The following NCOA1 variants were observed in gnomAD, a reference collection of about 807,000 sequenced individuals.
The protein encoded by NCOA1 is Hin-2 protein.
NCOA1 carries 35 observed loss-of-function variants against 150.9 expected under a neutral mutation model. The ratio of observed to expected loss-of-function variants is 0.23; its 90% CI spans 0.18 to 0.31. The LOEUF (loss-of-function observed/expected upper bound fraction) is 0.31, where lower values mean the gene tolerates loss of function less well. NCOA1 is among the 10% of genes least tolerant of loss of function. The pLI, the probability that NCOA1 is intolerant of heterozygous loss-of-function variation, is 1.00. For missense variants in NCOA1, 1,491 were observed against 1,749.3 expected, an observed-to-expected ratio of 0.85 and a Z score of 2.63; for synonymous variants, 590 against 630.0, an observed-to-expected ratio of 0.94 and a Z score of 0.95.
At chr2:24,506,232 C>T (rs768395803) in intron 1 of NCOA1, among the ~76,000 whole-genome samples, 3 of 151,904 alleles carry the variant, frequency 2.0e-5, no homozygotes, top group Admixed American at 6.6e-5. Flanking sequence ...TTCCAGGTCT[C>T]GGTACCAGGA....
intron 14 of NCOA1, among the ~76,000 whole-genome samples, chr2:24,724,786 A>G (rs1674525148): frequency 6.6e-6 from 1 of 152,128 alleles, no homozygotes; most frequent in Non-Finnish European, 1.5e-5. Context: ...AATTAAGATT[A>G]GATTTCTTGA....
intron 12 of NCOA1, among the ~76,000 whole-genome samples, chr2:24,706,323 C>T (rs1673421487): frequency 2.0e-5 from 3 of 151,918 alleles, no homozygotes. Context: ...TTACATATAA[C>T]TGAGACCATT....
intron 19 of NCOA1, among the ~76,000 whole-genome samples, chr2:24,745,225 G>T (rs1403200770): frequency 6.8e-6 from 1 of 147,064 alleles, no homozygotes; most frequent in Non-Finnish European, 1.5e-5. Flanking sequence ...GCAGTGGCGT[G>T]ATCTCGGCTC....
intron 1 of NCOA1, among the ~76,000 whole-genome samples, chr2:24,526,587 C>T (rs1160047307): frequency 6.6e-6 from 1 of 152,040 alleles, no homozygotes; most frequent in East Asian, 1.9e-4. Context: ...GGAAAGACTT[C>T]ATACTGTTCT....
chr2:24,642,259 T>G (rs929408768), intron 3 of NCOA1, among the ~76,000 whole-genome samples: 119 of 151,370 alleles, frequency 7.9e-4, no homozygotes, highest in African/African-American at 2.7e-3. Flanking sequence ...CATTTATTTC[T>G]TTCTCAGTTT....
rs190885424 is a variant in NCOA1, at chr2:24,766,964, A to T, written c.4156-1257A>T. ...GGGAAAGGGGAAGAGAAGGAGAGAA[A>T]AGCAGTGCAAATCTAACTAGAGATT... is the stretch of plus-strand genomic sequence containing the variant. On this transcript the variant is annotated intron_variant, in intron 22 of 22. Coordinates refer to ENST00000348332, the MANE Select transcript of NCOA1 (RefSeq NM_003743.5). Among the ~76,000 whole-genome samples, 29 of 151,976 alleles carry T rather than the reference A, an allele frequency of 1.9e-4. No homozygotes were observed. In the East Asian group the frequency reaches 2.9e-3, roughly 15 times the overall value.
intron 4 of NCOA1, among the ~76,000 whole-genome samples, chr2:24,648,377 A>G (rs1670567234): frequency 6.6e-6 from 1 of 151,856 alleles, no homozygotes; most frequent in African/African-American, 2.4e-5. Flanking sequence ...GGGTTCAAGC[A>G]GTTCTCTTCC....
chr2:24,539,933 C>T (rs1474666928), intron 1 of NCOA1, among the ~76,000 whole-genome samples: 1 of 152,134 alleles, frequency 6.6e-6, no homozygotes, highest in Non-Finnish European at 1.5e-5. Flanking sequence ...GATCTGTTTC[C>T]ATGTGAGAAC....
intron 4 of NCOA1, among the ~76,000 whole-genome samples, chr2:24,657,242 T>G (rs1417378274): frequency 1.3e-5 from 2 of 148,894 alleles, no homozygotes; most frequent in African/African-American, 4.9e-5. Context: ...TGCTGCTGTT[T>G]ATAGGACAGA....
chr2:24,686,392 T>C (rs1672405170), intron 8 of NCOA1, among the ~76,000 whole-genome samples: 1 of 152,144 alleles, frequency 6.6e-6, no homozygotes. Context: ...TTGGGTTTGT[T>C]TTACTAGGTT....
chr2:24,642,497 G>T (rs1484935391), intron 3 of NCOA1, among the ~76,000 whole-genome samples: 1 of 151,636 alleles, frequency 6.6e-6, no homozygotes, highest in Non-Finnish European at 1.5e-5. Flanking sequence ...ATTTTTTATT[G>T]TGTACTGGAT....
At chr2:24,729,986 C>T (rs558035222) in intron 17 of NCOA1, among the ~76,000 whole-genome samples, 171 bp downstream of exon 17, 2 of 152,238 alleles carry the variant, frequency 1.3e-5, no homozygotes, top group South Asian at 4.2e-4. Flanking sequence ...GCTGGGATTA[C>T]AGGTGTGTGC....
chr2:24,557,015 G>C (rs974155647), intron 1 of NCOA1, among the ~76,000 whole-genome samples: 5 of 150,794 alleles, frequency 3.3e-5, no homozygotes, highest in East Asian at 1.9e-4. Flanking sequence ...GTTGGGTTGG[G>C]GGGGGTGGCT....
intron 3 of NCOA1, among the ~76,000 whole-genome samples, chr2:24,623,583 G>A (rs1004119628): frequency 6.6e-6 from 1 of 152,108 alleles, no homozygotes; most frequent in Non-Finnish European, 1.5e-5. Context: ...CCCCTCGGAG[G>A]GTCTGTATTA....
intron 2 of NCOA1, among the ~76,000 whole-genome samples, chr2:24,575,535 AT>A (rs1353107887): frequency 6.7e-6 from 1 of 149,588 alleles, no homozygotes; most frequent in Non-Finnish European, 1.5e-5. Flanking sequence ...ACGTTACTGG[AT>A]GCTAGGTTTT....
intron 1 of NCOA1, among the ~76,000 whole-genome samples, chr2:24,540,720 A>G (rs1411638894): frequency 6.6e-6 from 1 of 152,178 alleles, no homozygotes; most frequent in African/African-American, 2.4e-5. Context: ...CAGCCTCCCG[A>G]AGTGCTGGGA....
chr2:24,534,996 G>T (rs1665064907), intron 1 of NCOA1, among the ~76,000 whole-genome samples: 1 of 152,128 alleles, frequency 6.6e-6, no homozygotes, highest in South Asian at 2.1e-4. Context: ...TCAAGACCTG[G>T]ATATCCTTGT....
chr2:24,525,882 C>G (rs1420015101), intron 1 of NCOA1, among the ~76,000 whole-genome samples: 1 of 152,066 alleles, frequency 6.6e-6, no homozygotes, highest in South Asian at 2.1e-4. Flanking sequence ...ATCCTTAGGT[C>G]TGCTTCCTTA....
intron 1 of NCOA1, among the ~76,000 whole-genome samples, chr2:24,517,098 ATC>A (rs1430673669): frequency 1.4e-5 from 2 of 146,292 alleles, no homozygotes; most frequent in Non-Finnish European, 3.0e-5. Context: ...CTAGTGCATA[ATC>A]TCTTCCGTTA....
Sources: gnomAD v4.1 joint callset for allele counts (sites outside exome capture counted in the v4.1 genomes callset) on GRCh38, gnomAD v4.1.1 for gene constraint, MANE v1.5 for transcripts, NCBI Gene and HGNC (gene_info 2026-07-23, HGNC 2026-07-21) for gene names.